Variants in NEBL observed in about 807,000 individuals in gnomAD.
NEBL encodes nebulette.
NEBL carries 122 observed loss-of-function variants against 140.2 expected under a neutral mutation model. The observed-to-expected ratio is 0.87, with a 90% CI of 0.75 to 1.01. The LOEUF is 1.01. Ranked by LOEUF, NEBL falls within the 50% of genes least tolerant of loss-of-function variation. NEBL has a pLI of 0.00. For synonymous variants in NEBL, 436 were observed against 398.9 expected, an observed-to-expected ratio of 1.09 and a Z score of -1.11; for missense variants, 1,365 against 1,231.3, an observed-to-expected ratio of 1.11 and a Z score of -1.62.
At chr10:20,876,079 C>G (rs115518885) in intron 5 of NEBL, among the ~76,000 whole-genome samples, 51 of 152,226 alleles carry the variant, frequency 3.4e-4, no homozygotes, top group Middle Eastern at 3.4e-3. Flanking sequence ...GCATAAAAAC[C>G]TACTAAATTA....
intron 3 of NEBL, among the ~76,000 whole-genome samples, chr10:20,971,239 T>C (rs936510712): frequency 6.6e-6 from 1 of 152,190 alleles, no homozygotes; most frequent in Non-Finnish European, 1.5e-5. Flanking sequence ...ATATTATATC[T>C]ATATTAATAA....
rs111353953 is a variant in NEBL, at chr10:20,999,082, T to C, written c.249+21035A>G. 2.7e-4 allele frequency among the ~76,000 whole-genome samples: 41 copies of C among 152,230 alleles called. 1 individual carries two copies. Among genetic ancestry groups the C allele is most frequent in the African/African-American group, 8.9e-4 (37 of 41,530 alleles). ...AGACTTATGTTTGAATTATTTATTTTTATCTGCGGCACCAAAAATTTCCAA... is the reference window on the plus strand; with the variant it reads ...AGACTTATGTTTGAATTATTTATTTCTATCTGCGGCACCAAAAATTTCCAA... On this transcript the variant is annotated intron_variant, in intron 3 of 6. Transcript: ENST00000417816.
Position 21,066,388 on chromosome 10 carries a change from G to C in NEBL, c.165-46187C>G, listed in dbSNP as rs75626630. The stretch of plus-strand genomic sequence containing the variant: ...TTTCTTATAAAGATGATAGCAATTC[G>C]TTGTTGATAAAATGTTTTTCATGCT... On this transcript the variant is annotated intron_variant, in intron 2 of 6. Coordinates refer to the NEBL transcript ENST00000417816. 1.2e-3 allele frequency among the ~76,000 whole-genome samples: 181 copies of C among 152,194 alleles called. 3 individuals are homozygous for C. In the East Asian group the frequency reaches 0.03, roughly 25 times the overall value.
intron 9 of NEBL, among the ~76,000 whole-genome samples, chr10:20,857,307 T>C (rs1843175494): frequency 6.6e-6 from 1 of 152,188 alleles, no homozygotes; most frequent in East Asian, 1.9e-4. Flanking sequence ...TCTCCTTATT[T>C]AACTGTCTGG....
chr10:21,192,200 T>C (rs898660849), intron 3 of NEBL, among the ~76,000 whole-genome samples: 1 of 149,758 alleles, frequency 6.7e-6, no homozygotes, highest in African/African-American at 2.4e-5. Flanking sequence ...TTTTTTTTCT[T>C]TTTTTTTTTG....
At chr10:20,890,761 A>G (rs1220910366) in intron 2 of NEBL, among the ~76,000 whole-genome samples, 1 of 152,252 alleles carries the variant, frequency 6.6e-6, no homozygotes, top group Non-Finnish European at 1.5e-5. Context: ...CCGGGTGGAT[A>G]TTTGAGCCCA....
At chr10:21,123,832 T>C (rs1294895074) in intron 2 of NEBL, among the ~76,000 whole-genome samples, 1 of 151,172 alleles carries the variant, frequency 6.6e-6, no homozygotes, top group African/African-American at 2.4e-5. Context: ...TGTATATGTA[T>C]ATGTATATCT....
chr10:21,217,179 C>T (rs1308283787), intron 3 of NEBL, among the ~76,000 whole-genome samples: 3 of 152,022 alleles, frequency 2.0e-5, no homozygotes, highest in African/African-American at 7.3e-5. Context: ...TGGCATCCCC[C>T]CAAAATCTAA....
chr10:20,900,255 T>A (rs75683112), upstream of NEBL, among the ~76,000 whole-genome samples: 1,723 of 152,328 alleles, frequency 0.011, 33 homozygotes, highest in African/African-American at 0.039. Flanking sequence ...CCAAGAGACA[T>A]CACTTATGGC....
At chr10:21,097,873 C>G (rs1292263007) in intron 2 of NEBL, among the ~76,000 whole-genome samples, 1 of 152,128 alleles carries the variant, frequency 6.6e-6, no homozygotes, top group Non-Finnish European at 1.5e-5. Context: ...GAGAAAGACT[C>G]TAGTAGCACA....
At chr10:20,794,379 T>C (rs2131658301) in intron 26 of NEBL, among the ~76,000 whole-genome samples, 1 of 152,350 alleles carries the variant, frequency 6.6e-6, no homozygotes, top group African/African-American at 2.4e-5. Context: ...TCTATTCCTA[T>C]AATGTATCCT....
chr10:21,051,821 T>C (rs1053253437), intron 2 of NEBL, among the ~76,000 whole-genome samples: 2 of 152,218 alleles, frequency 1.3e-5, no homozygotes, highest in African/African-American at 4.8e-5. Context: ...GCTGTACATA[T>C]TCAATGTATA....
At chr10:21,260,171 G>A (rs1013855107) in intron 1 of NEBL, among the ~76,000 whole-genome samples, 1 of 152,200 alleles carries the variant, frequency 6.6e-6, no homozygotes, top group African/African-American at 2.4e-5. Flanking sequence ...CTGAGTCCAC[G>A]GGAAGCCCTA....
chr10:20,999,389 G>T (rs1837797518), intron 3 of NEBL, among the ~76,000 whole-genome samples: 1 of 152,130 alleles, frequency 6.6e-6, no homozygotes, highest in African/African-American at 2.4e-5. Flanking sequence ...TTGACCCCAG[G>T]AGTTCAAGAC....
At chr10:20,901,868 G>A (rs788986), upstream of NEBL, among the ~76,000 whole-genome samples, 141,287 of 152,228 alleles carry the variant, frequency 0.93, 65,768 homozygotes, top group African/African-American at 0.98. Flanking sequence ...GAACTTTACT[G>A]ATGGACGAGG....
intron 26 of NEBL, among the ~76,000 whole-genome samples, chr10:20,808,111 A>C (rs908005158): frequency 2.0e-5 from 3 of 152,062 alleles, no homozygotes; most frequent in Non-Finnish European, 4.4e-5. Context: ...GAGGTACCCC[A>C]ATATTACTGT....
intron 25 of NEBL, 117 bp downstream of exon 25, chr10:20,809,689 G>A: frequency 1.1e-6 from 1 of 869,740 alleles, no homozygotes; most frequent in South Asian, 1.6e-5. Context: ...TTTTTGGTTT[G>A]CCAAATTCTC....
At position 20,828,531 on chromosome 10, in the gene NEBL, G is replaced by T. The variant is rs146275785; in HGVS notation, c.1775C>A (p.Ala592Glu). ...RIKTTQQNIS[A>E]VFYKKEVGAG... ...TTAAAAGAAGTAATGGCTACTCACCGCACTAATGTTTTGTTGAGTTGTCTT... is the reference window on the plus strand; with the variant it reads ...TTAAAAGAAGTAATGGCTACTCACCTCACTAATGTTTTGTTGAGTTGTCTT... The change falls in exon 17 of 28, where the codon GCG (alanine) becomes GAG (glutamate). Residue 592 changes from alanine to glutamate, a missense_variant and splice_region_variant. Transcript: ENST00000377122. 2.0e-4 allele frequency: 318 copies of T among 1,561,152 alleles called. 1 individual carries two copies. The African/African-American group carries it at 3.3e-3, about 16-fold the overall frequency.
chr10:20,944,482 T>A (rs577049198), intron 4 of NEBL, among the ~76,000 whole-genome samples: 32 of 152,286 alleles, frequency 2.1e-4, no homozygotes, highest in African/African-American at 6.3e-4. Flanking sequence ...ATTGCAGACA[T>A]TTTAGGTTAA....
Sources: gnomAD v4.1 joint callset for allele counts (sites outside exome capture counted in the v4.1 genomes callset) on GRCh38, gnomAD v4.1.1 for gene constraint, MANE v1.5 for transcripts, NCBI Gene and HGNC (gene_info 2026-07-23, HGNC 2026-07-21) for gene names.